Variants in PCDHGB3 observed in about 807,000 individuals in gnomAD.
The protein encoded by PCDHGB3 is protocadherin gamma-B3.
PCDHGB3 carries 40 observed loss-of-function variants against 59.2 expected under a neutral mutation model. That is an observed-to-expected ratio of 0.68 (90% CI 0.52 to 0.88). The LOEUF (loss-of-function observed/expected upper bound fraction) is 0.88, where lower values mean the gene tolerates loss of function less well. Ranked by LOEUF, PCDHGB3 falls within the 40% of genes least tolerant of loss-of-function variation. The pLI is 0.00. For synonymous variants in PCDHGB3, 581 were observed against 503.6 expected (o/e 1.15, Z -2.06); for missense variants, 1,309 against 1,187.9 (o/e 1.10, Z -1.50).
At chr5:141,406,649 G>A (rs1447190497) in intron 1 of PCDHGB3, among the ~76,000 whole-genome samples, 2 of 152,098 alleles carry the variant, frequency 1.3e-5, no homozygotes, top group African/African-American at 2.4e-5. Flanking sequence ...ATTTCCTAAT[G>A]CTTTAATGTT....
intron 1 of PCDHGB3, chr5:141,384,773 A>C (rs775593747): frequency 6.2e-6 from 10 of 1,613,726 alleles, no homozygotes; most frequent in Middle Eastern, 1.6e-4. Flanking sequence ...TACACGGGCG[A>C]GGTGCGCACG....
chr5:141,378,181 C>G (rs183481155), intron 1 of PCDHGB3: 2 of 152,302 alleles, frequency 1.3e-5, no homozygotes, highest in Admixed American at 6.5e-5. Flanking sequence ...AGCACCGATG[C>G]TGTGTGCCTA....
chr5:141,413,645 C>T, intron 1 of PCDHGB3: 9 of 1,613,834 alleles, frequency 5.6e-6, no homozygotes, highest in Non-Finnish European at 7.6e-6. Context: ...ATGCGTTTTC[C>T]TCTCCCGGAA....
intron 1 of PCDHGB3, chr5:141,390,422 G>A: frequency 9.3e-7 from 1 of 1,071,928 alleles, no homozygotes; most frequent in South Asian, 1.6e-5. Flanking sequence ...CAGTTAAAAA[G>A]CTGTCATATC....
chr5:141,477,301 C>T lies in PCDHGB3; in HGVS notation c.2416-17506C>T, dbSNP rs756549446. The T allele has an allele frequency of 6.2e-7, 1 of 1,614,160 alleles. No homozygotes were observed. Among genetic ancestry groups the T allele is most frequent in the East Asian group, 2.2e-5 (1 of 44,872 alleles). Reference sequence around the variant, plus strand: ...TGACCTGCGAAGTTCCACCGGGTCTCCCTTTCAGCCTTACTTCTTCCCTCA... The same window carrying T: ...TGACCTGCGAAGTTCCACCGGGTCTTCCTTTCAGCCTTACTTCTTCCCTCA... On this transcript the variant is annotated intron_variant, in intron 1 of 3. Coordinates refer to ENST00000576222, the MANE Select transcript of PCDHGB3 (RefSeq NM_018924.5). The surrounding 1 kb of genome is among the most constrained non-coding windows in gnomAD (Gnocchi z 4.9).
chr5:141,375,510 C>T, intron 1 of PCDHGB3: 1 of 1,614,034 alleles, frequency 6.2e-7, no homozygotes, highest in Non-Finnish European at 8.5e-7. Context: ...TCTGTGAATG[C>T]ACTGGACCCT....
chr5:141,426,629 T>G (rs1384012221), intron 1 of PCDHGB3: 4 of 397,284 alleles, frequency 1.0e-5, no homozygotes, highest in South Asian at 7.2e-5. Context: ...CTCTAAATGT[T>G]TTTCACATAA....
intron 1 of PCDHGB3, among the ~76,000 whole-genome samples, chr5:141,482,435 A>G (rs2099559555): frequency 6.6e-6 from 1 of 150,568 alleles, no homozygotes; most frequent in South Asian, 2.1e-4. Flanking sequence ...GATAATACTG[A>G]TATTCACCAT....
chr5:141,410,317 C>T lies in PCDHGB3; in HGVS notation c.2415+37508C>T, dbSNP rs527641698. ...CCTTAATCTCAGTGCTCTTCCTCCT[C>T]GCCGTGATTCTGGCCATTGCCTTGC... On this transcript the variant is annotated intron_variant, in intron 1 of 3. Coordinates refer to ENST00000576222, the MANE Select transcript of PCDHGB3 (RefSeq NM_018924.5). The T allele has an allele frequency of 2.7e-5, 43 of 1,614,010 alleles. No individual in the cohort carries two copies. In the East Asian group the frequency reaches 8.0e-4, roughly 30 times the overall value.
chr5:141,421,642 G>A, intron 1 of PCDHGB3: 1 of 1,613,850 alleles, frequency 6.2e-7, no homozygotes, highest in South Asian at 1.1e-5. Flanking sequence ...GGAGGACGAA[G>A]TGGAGATAAA....
intron 1 of PCDHGB3, chr5:141,410,199 A>G: frequency 6.2e-7 from 1 of 1,613,998 alleles, no homozygotes; most frequent in South Asian, 1.1e-5. Flanking sequence ...GTCTTCGCAG[A>G]CAACTTGCAA....
chr5:141,383,736 T>C (rs1388139242), intron 1 of PCDHGB3: 1 of 1,614,002 alleles, frequency 6.2e-7, no homozygotes, highest in Non-Finnish European at 8.5e-7. Context: ...AAGTGACATA[T>C]TCTTTTCGGA....
chr5:141,421,854 C>CCTG (rs761444125), intron 1 of PCDHGB3: 2 of 1,613,762 alleles, frequency 1.2e-6, no homozygotes, highest in Non-Finnish European at 1.7e-6. Flanking sequence ...AGGCTGCTCA[C>CCTG]CTGCTCCTCC....
chr5:141,423,501 C>G, intron 1 of PCDHGB3: 1 of 1,613,990 alleles, frequency 6.2e-7, no homozygotes, highest in African/African-American at 1.3e-5. Flanking sequence ...CCCACGAGGT[C>G]TCTCTCATTG....
intron 1 of PCDHGB3, chr5:141,382,596 AATTTTCT>A (rs1778321594): frequency 3.9e-6 from 1 of 254,502 alleles, no homozygotes; most frequent in Non-Finnish European, 7.4e-6. Flanking sequence ...AAGATGAAAC[AATTTTCT>A]ATGAAATCAG....
intron 1 of PCDHGB3, among the ~76,000 whole-genome samples, chr5:141,475,442 T>A (rs1007534176): frequency 1.3e-5 from 2 of 152,238 alleles, no homozygotes; most frequent in African/African-American, 4.8e-5. Context: ...TAGCTCCAGA[T>A]AATGAGGAAG....
At chr5:141,388,571 C>A in intron 1 of PCDHGB3, 2 of 1,613,830 alleles carry the variant, frequency 1.2e-6, no homozygotes, top group Non-Finnish European at 1.7e-6. Context: ...CACAGATACA[C>A]GTTCTAGTGA....
intron 2 of PCDHGB3, among the ~76,000 whole-genome samples, chr5:141,504,118 G>A (rs948008198): frequency 6.6e-6 from 1 of 152,096 alleles, no homozygotes; most frequent in African/African-American, 2.4e-5. Flanking sequence ...GTGTGCCAGG[G>A]CTGTTTCCCG....
Position 141,375,135 on chromosome 5 carries a change from C to T in PCDHGB3, c.2415+2326C>T, listed in dbSNP as rs757101411. The T allele has an allele frequency of 3.7e-6, 6 of 1,613,924 alleles. No homozygotes were observed. In the East Asian group the frequency reaches 1.3e-4, roughly 36 times the overall value. ...AATGTACCAGAAGTGGTTGTTACATCTGGAAGCAGAACAATTGCTGAAAGT... is the reference window on the plus strand; with the variant it reads ...AATGTACCAGAAGTGGTTGTTACATTTGGAAGCAGAACAATTGCTGAAAGT... On this transcript the variant is annotated intron_variant, in intron 1 of 3. Coordinates refer to ENST00000576222, the MANE Select transcript of PCDHGB3 (RefSeq NM_018924.5).
Sources: allele counts gnomAD v4.1 joint callset (sites outside exome capture counted in the v4.1 genomes callset), GRCh38; gene constraint gnomAD v4.1.1; non-coding constraint Gnocchi (gnomAD v3.1); transcripts MANE v1.5; gene names NCBI Gene and HGNC (gene_info 2026-07-23, HGNC 2026-07-21).